HDDC2: variants seen among roughly 807,000 people sequenced by gnomAD.
The protein encoded by HDDC2 is HD domain containing 2.
A neutral mutation model predicts 25.5 loss-of-function variants in HDDC2; 25 were observed. The ratio of observed to expected loss-of-function variants is 0.98; its 90% CI spans 0.72 to 1.37. HDDC2 has a LOEUF of 1.37. Ranked by LOEUF, HDDC2 falls within the 40% of genes most tolerant of loss-of-function variation. The pLI, the probability that HDDC2 is intolerant of heterozygous loss-of-function variation, is 0.00. For missense variants in HDDC2, 264 were observed against 253.1 expected (o/e 1.04, Z -0.29); for synonymous variants, 106 against 89.7 (o/e 1.18, Z -1.03).
At chr6:125,300,115 G>A (rs1798772392) in intron 2 of HDDC2, among the ~76,000 whole-genome samples, 2 of 152,152 alleles carry the variant, frequency 1.3e-5, no homozygotes, top group East Asian at 1.9e-4. Context: ...AACACTTGTC[G>A]ATTAAATGAA....
chr6:125,284,557 GA>G (rs1287877643), intron 4 of HDDC2, among the ~76,000 whole-genome samples: 78 of 152,218 alleles, frequency 5.1e-4, no homozygotes, highest in Non-Finnish European at 9.1e-4. Flanking sequence ...ACAAACATAT[GA>G]AAAAAAGCTC....
chr6:125,278,897 T>A (rs1306697550), intron 4 of HDDC2: 1 of 152,202 alleles, frequency 6.6e-6, no homozygotes, highest in Non-Finnish European at 1.5e-5. Flanking sequence ...AATGACTGCC[T>A]AGTTTCTGGT....
intron 2 of HDDC2, among the ~76,000 whole-genome samples, chr6:125,299,916 A>AT (rs1798770155): frequency 6.6e-6 from 1 of 152,110 alleles, no homozygotes; most frequent in African/African-American, 2.4e-5. Flanking sequence ...CTCAACTCAG[A>AT]TTGCACCTCC....
At chr6:125,298,670 G>T (rs1798744791) in intron 3 of HDDC2, 44 bp downstream of exon 3, 2 of 1,434,562 alleles carry the variant, frequency 1.4e-6, no homozygotes, top group South Asian at 2.3e-5. Context: ...TTCAGCAAGA[G>T]GTTTTTCTGG....
chr6:125,298,877 C>T, intron 2 of HDDC2, 61 bp from the exon 3 acceptor site: 1 of 1,090,612 alleles, frequency 9.2e-7, no homozygotes, highest in Non-Finnish European at 1.4e-6. Context: ...AGTTCCTTCT[C>T]TATACTCTTC....
chr6:125,282,254 G>A (rs978212848), intron 4 of HDDC2, among the ~76,000 whole-genome samples: 4 of 151,580 alleles, frequency 2.6e-5, no homozygotes, highest in Non-Finnish European at 5.9e-5. Context: ...GTTGAGGCAG[G>A]AGAATTGCTG....
chr6:125,276,991 T>G, intron 5 of HDDC2, 111 bp downstream of exon 5: 1 of 1,037,546 alleles, frequency 9.6e-7, no homozygotes, highest in Non-Finnish European at 1.4e-6. Context: ...ATGCTCCACA[T>G]GAAAGGGTCA....
chr6:125,288,239 G>T (rs551242747), intron 4 of HDDC2, among the ~76,000 whole-genome samples: 7 of 152,282 alleles, frequency 4.6e-5, no homozygotes, highest in African/African-American at 1.4e-4. Flanking sequence ...GATGCTTGAA[G>T]AGAGGGCTGA....
At chr6:125,291,894 G>GC (rs1370628307) in intron 4 of HDDC2, among the ~76,000 whole-genome samples, 1 of 152,154 alleles carries the variant, frequency 6.6e-6, no homozygotes, top group African/African-American at 2.4e-5. Context: ...TCTAGAAGGA[G>GC]TTGTGCAGGG....
intron 4 of HDDC2, among the ~76,000 whole-genome samples, chr6:125,279,586 T>TAG (rs1284695200): frequency 2.0e-5 from 3 of 152,214 alleles, no homozygotes; most frequent in Non-Finnish European, 2.9e-5. Flanking sequence ...TTAGCTTGCT[T>TAG]AGCCATTCCA....
chr6:125,288,044 G>A (rs1424056378), intron 4 of HDDC2, among the ~76,000 whole-genome samples: 1 of 152,222 alleles, frequency 6.6e-6, no homozygotes, highest in Non-Finnish European at 1.5e-5. Flanking sequence ...CTCCTCACCT[G>A]TTTAGTGCTG....
intron 4 of HDDC2, among the ~76,000 whole-genome samples, chr6:125,287,937 C>A (rs898829708): frequency 6.6e-6 from 1 of 152,158 alleles, no homozygotes; most frequent in Non-Finnish European, 1.5e-5. Flanking sequence ...ACACGAAGGC[C>A]GAAGGCCGGC....
At chr6:125,282,175 G>C (rs1213936393) in intron 4 of HDDC2, among the ~76,000 whole-genome samples, 1 of 151,956 alleles carries the variant, frequency 6.6e-6, no homozygotes, top group Non-Finnish European at 1.5e-5. Context: ...GTGAAACCCT[G>C]TCTCTACTAA....
intron 4 of HDDC2, chr6:125,278,633 C>T (rs570560912): frequency 6.6e-6 from 1 of 152,234 alleles, no homozygotes; most frequent in East Asian, 1.9e-4. Flanking sequence ...GAAATTATTG[C>T]AAGTAGCTTT....
intron 4 of HDDC2, among the ~76,000 whole-genome samples, chr6:125,280,767 G>C (rs907245928): frequency 6.6e-6 from 1 of 152,246 alleles, no homozygotes. Context: ...GCACCTGAGG[G>C]AAGGGGCAGC....
At chr6:125,297,704 A>G (rs1375138786) in intron 3 of HDDC2, 3 of 393,890 alleles carry the variant, frequency 7.6e-6, no homozygotes, top group Admixed American at 8.8e-5. Context: ...CTACTCAGCA[A>G]TTTAGGACCA....
Position 125,277,135 on chromosome 6 carries a change from C to G in HDDC2, c.484G>C (p.Gly162Arg). The G allele has an allele frequency of 6.2e-7, 1 of 1,614,078 alleles. No individual in the cohort carries two copies. Residue 162 changes from glycine (G) to arginine (R), a missense_variant, in exon 5 of 6, where the codon GGG (glycine) becomes CGG (arginine). Gly to Arg is a moderately radical substitution (Grantham distance 125). Transcript: ENST00000398153. ...GAATCATAGAAGTCTTGCAGTCTCC[C>G]AGGTTTGTGTTCAAGGTCTTCATAT... Reference protein sequence around the residue: ...SEYEDLEHKPGRLQDFYDSTA... With the variant: ...SEYEDLEHKPRRLQDFYDSTA...
chr6:125,300,947 A>G (rs1798791346), intron 1 of HDDC2, among the ~76,000 whole-genome samples: 1 of 152,314 alleles, frequency 6.6e-6, no homozygotes, highest in Middle Eastern at 3.4e-3. Flanking sequence ...CAAGTCCTTT[A>G]AACAAAAACA....
chr6:125,298,723 C>T lies in HDDC2; in HGVS notation c.300G>A (p.Arg100=), dbSNP rs1798746587. The T allele has an allele frequency of 1.9e-6, 3 of 1,613,512 alleles. No individual in the cohort carries two copies. Among genetic ancestry groups the T allele is most frequent in the African/African-American group, 2.7e-5 (2 of 75,018 alleles). Residue 100 remains arginine (R), a synonymous_variant, in exon 3 of 6, where the codon AGG becomes AGA. Coordinates refer to ENST00000398153, the MANE Select transcript of HDDC2 (RefSeq NM_016063.3). ...ADNIPKEEKH[R]REEEAMKQIT... is the part of the protein sequence containing the mutation. ...AATAGTCAACACTGACCTCTTCTCG[C>T]CTATGTTTTTCTTCTTTGGGGATGT...
Sources: gnomAD v4.1 joint callset for allele counts (sites outside exome capture counted in the v4.1 genomes callset) on GRCh38, gnomAD v4.1.1 for gene constraint, MANE v1.5 for transcripts, NCBI Gene and HGNC (gene_info 2026-07-23, HGNC 2026-07-21) for gene names.